HTRA3: variants seen among roughly 807,000 people sequenced by gnomAD.
The protein encoded by HTRA3 is serine protease HTRA3.
In HTRA3, 41 loss-of-function variants were observed where a neutral mutation model predicts 43.2. That is an observed-to-expected ratio of 0.95 (90% CI 0.74 to 1.23). The LOEUF (loss-of-function observed/expected upper bound fraction) is 1.23, where lower values mean the gene tolerates loss of function less well. Among genes scored for constraint, HTRA3 ranks in the 50% most tolerant of loss-of-function variants. The pLI is 0.00. For synonymous variants in HTRA3, 295 were observed against 287.9 expected, an observed-to-expected ratio of 1.02 and a Z score of -0.25; for missense variants, 628 against 647.1, an observed-to-expected ratio of 0.97 and a Z score of 0.32.
Position 8,295,722 on chromosome 4 carries a change from A to AG in HTRA3, c.1051+1526dup. On this transcript the variant is annotated intron_variant, in intron 6 of 8. Coordinates refer to ENST00000307358, the MANE Select transcript of HTRA3 (RefSeq NM_053044.5). This position sits in a 1 kb window ranked among gnomAD's most constrained non-coding sequence, Gnocchi z 6.9. ...CCCTCACTGGCAGTTCATTGAGAGC[A>AG]GGGGGCTTCCTCACGTTTCCCCCTC... The AG allele has an allele frequency of 7.2e-7, 1 of 1,382,946 alleles. No individual in the cohort carries two copies. The highest frequency in any genetic ancestry group is 9.4e-7 in the Non-Finnish European group (1 of 1,065,192). 85.7% of individuals were successfully genotyped at this position (1,382,946 alleles called of 1,614,324 possible).
chr4:8,304,195 A>G lies in HTRA3; in HGVS notation c.1112A>G (p.Glu371Gly). Residue 371 changes from glutamate to glycine, a missense_variant, in exon 8 of 9, where the codon GAG becomes GGG. Coordinates refer to ENST00000307358, the MANE Select transcript of HTRA3 (RefSeq NM_053044.5). The stretch of plus-strand genomic sequence containing the variant: ...CAGACTCTTTCCAGCCTGGTGGATG[A>G]GCTGAAGGCCAGCAACCCGGACTTC... The part of the protein sequence containing the change: ...MRTITPSLVD[E>G]LKASNPDFPE... The G allele has an allele frequency of 6.2e-7, 1 of 1,614,060 alleles. No homozygotes were observed. The highest frequency in any genetic ancestry group is 8.5e-7 in the Non-Finnish European group (1 of 1,179,970).
Position 8,300,432 on chromosome 4 carries a change from C to T in HTRA3, c.1052-2031C>T, listed in dbSNP as rs780124702. On this transcript the variant is annotated intron_variant, in intron 6 of 8. Coordinates refer to ENST00000307358, the MANE Select transcript of HTRA3 (RefSeq NM_053044.5). ...TCTTTAATAGATGTAGTGCTATTTGCGTTATTTCTTCTTGAATGAGATTTG... is the reference window on the plus strand; with the variant it reads ...TCTTTAATAGATGTAGTGCTATTTGTGTTATTTCTTCTTGAATGAGATTTG... 2.6e-5 allele frequency among the ~76,000 whole-genome samples: 4 copies of T among 152,076 alleles called. No individual in the cohort carries two copies. In the East Asian group the frequency reaches 5.8e-4, roughly 22 times the overall value.
intron 2 of HTRA3, among the ~76,000 whole-genome samples, chr4:8,283,391 G>A (rs1389097645): frequency 6.6e-6 from 1 of 152,142 alleles, no homozygotes; most frequent in Non-Finnish European, 1.5e-5. Flanking sequence ...ACCATCCCCA[G>A]CCTCTCCTAC....
In HTRA3 at chr4:8,286,855, C is replaced by T. The variant is rs1387213070; in HGVS notation, c.708+72C>T. 1 of 1,130,758 alleles carries T rather than the reference C, an allele frequency of 8.8e-7. No homozygotes were observed. The highest frequency in any genetic ancestry group is 1.3e-6 in the Non-Finnish European group (1 of 781,278). 70.0% of individuals were successfully genotyped at this position (1,130,758 alleles called of 1,614,324 possible). A position where few individuals can be genotyped will look rare whatever the true frequency, so the allele number is the denominator to read the frequency against. ...GGTGGCCTCTTCCCAGACGCCGGAACCCAGAGGCAAGCTAGCCCCACCTTC... is the reference window on the plus strand; with the variant it reads ...GGTGGCCTCTTCCCAGACGCCGGAATCCAGAGGCAAGCTAGCCCCACCTTC... On this transcript the variant is annotated intron_variant, in intron 3 of 8. Transcript: ENST00000307358. This position sits in a 1 kb window ranked among gnomAD's most constrained non-coding sequence, Gnocchi z 4.9.
chr4:8,280,511 G>T (rs555807590), intron 1 of HTRA3, among the ~76,000 whole-genome samples: 2 of 152,318 alleles, frequency 1.3e-5, no homozygotes, highest in African/African-American at 2.4e-5. Context: ...AAGCAGACAG[G>T]CCTGGGCTGC....
In HTRA3 at chr4:8,286,920, G is replaced by A; in HGVS notation, c.708+137G>A. The A allele has an allele frequency of 1.5e-6, 1 of 671,552 alleles. No homozygotes were observed. The highest frequency in any genetic ancestry group is 1.9e-5 in the South Asian group (1 of 52,994). The allele number at this position is 671,552 out of a possible 1,614,324, so 41.6% of individuals were successfully genotyped here. A position where few individuals can be genotyped will look rare whatever the true frequency, so the allele number is the denominator to read the frequency against. ...AGGAAACTGGGCCCAGGGAGGACTG[G>A]CAGCTGGCCCAGGGTCACGGCTTGG... On this transcript the variant is annotated intron_variant, in intron 3 of 8. Transcript: ENST00000307358. The surrounding 1 kb of genome is among the most constrained non-coding windows in gnomAD (Gnocchi z 4.9).
chr4:8,299,619 A>G (rs12645717), intron 6 of HTRA3, among the ~76,000 whole-genome samples: 85,751 of 151,948 alleles, frequency 0.56, 24,512 homozygotes, highest in East Asian at 0.8. Flanking sequence ...ATTTGCATAG[A>G]TATCCTTTCT....
intron 1 of HTRA3, among the ~76,000 whole-genome samples, chr4:8,272,252 G>T (rs1476248318): frequency 6.6e-6 from 1 of 152,198 alleles, no homozygotes; most frequent in Admixed American, 6.5e-5. Flanking sequence ...GCTGGCCCCA[G>T]GCTGGTGACA....
rs1164934102 is a variant in HTRA3 at position 8,304,232 on chromosome 4, C to T, written c.1149C>T (p.Ser383=). ...KASNPDFPEV[S]SGIYVQEVAP... is the part of the protein sequence containing the mutation. ...GCAACCCGGACTTCCCAGAGGTCAG[C>T]AGTGGAATTTATGTGCAAGAGGTTG... is the stretch of plus-strand genomic sequence containing the variant. Residue 383 remains serine (S), a synonymous_variant, in exon 8 of 9, where the codon AGC becomes AGT. Transcript: ENST00000307358. 6.2e-7 allele frequency: 1 copy of T among 1,614,084 alleles called. No individual in the cohort carries two copies. The highest frequency in any genetic ancestry group is 1.3e-5 in the African/African-American group (1 of 74,926).
In HTRA3 at chr4:8,306,129, T is replaced by A. The variant is rs576710980; in HGVS notation, c.1355T>A (p.Val452Asp). Residue 452 changes from valine (V) to aspartate (D), a missense_variant, in exon 9 of 9, where the codon GTC becomes GAC. Val to Asp is a radical substitution (Grantham distance 152). Coordinates refer to ENST00000307358, the MANE Select transcript of HTRA3 (RefSeq NM_053044.5). The surrounding 1 kb of genome is among the most constrained non-coding windows in gnomAD (Gnocchi z 8.9). Reference protein sequence around the residue: ...DLLFSIAPEVVM With the variant: ...DLLFSIAPEVDM ...CTCTTCAGCATCGCACCTGAGGTGGTCATGTGAGGGGCGCATTCCTCCAGC... is the reference window on the plus strand; with the variant it reads ...CTCTTCAGCATCGCACCTGAGGTGGACATGTGAGGGGCGCATTCCTCCAGC... 5.1e-6 allele frequency: 8 copies of A among 1,578,758 alleles called. No homozygotes were observed. The South Asian group carries it at 9.2e-5, about 18-fold the overall frequency.
rs71825947 is a variant in HTRA3, at chr4:8,300,906, ACT to A, written c.1052-1553_1052-1552del. 6.3e-3 allele frequency among the ~76,000 whole-genome samples: 950 copies of A among 150,710 alleles called. 11 individuals are homozygous for A. Among genetic ancestry groups the A allele is most frequent in the African/African-American group, 0.022 (895 of 40,906 alleles). ...ACACTCATCTTTATTATTGATTCACACTCTCAGCTTTATTATTGATCCAGTCA... is the reference window on the plus strand; with the variant it reads ...ACACTCATCTTTATTATTGATTCACACTCAGCTTTATTATTGATCCAGTCA... On this transcript the variant is annotated intron_variant, in intron 6 of 8. Transcript: ENST00000307358.
intron 1 of HTRA3, among the ~76,000 whole-genome samples, chr4:8,276,021 CA>C (rs908366855): frequency 5.3e-5 from 8 of 152,226 alleles, no homozygotes; most frequent in African/African-American, 1.7e-4. Flanking sequence ...CTTGGTGCAG[CA>C]AAGATATGGC....
chr4:8,292,501 AAGG>A (rs2153006165), intron 5 of HTRA3, 148 bp downstream of exon 5: 2 of 709,908 alleles, frequency 2.8e-6, no homozygotes, highest in East Asian at 5.6e-5. Flanking sequence ...GGAGGCCTGG[AAGG>A]AGGAAAGACC....
rs1435916240 is a variant in HTRA3 at position 8,304,651 on chromosome 4, T to TG, written c.1196+372_1196+373insG. Among the ~76,000 whole-genome samples, 143 of 115,404 alleles carry TG rather than the reference T, an allele frequency of 1.2e-3. 3 individuals carry two copies. Among genetic ancestry groups the TG allele is most frequent in the African/African-American group, 4.6e-3 (126 of 27,678 alleles). 75.7% of individuals were successfully genotyped at this position (115,404 alleles called of 152,430 possible). A position where few individuals can be genotyped will look rare whatever the true frequency, so the allele number is the denominator to read the frequency against. Reference sequence around the variant, plus strand: ...AGATAATTCAGCCTATTGTTTTTTTTTTTTTTTTTTTTTTTTTTTTTTTGA... The same window carrying TG: ...AGATAATTCAGCCTATTGTTTTTTTTGTTTTTTTTTTTTTTTTTTTTTTTGA... On this transcript the variant is annotated intron_variant, in intron 8 of 8. Transcript: ENST00000307358.
chr4:8,284,398 T>A (rs1359492859), intron 2 of HTRA3, among the ~76,000 whole-genome samples: 1 of 152,206 alleles, frequency 6.6e-6, no homozygotes, highest in Admixed American at 6.5e-5. Context: ...CCAGCCCGGC[T>A]GGGAGGCCGT....
At chr4:8,281,566 T>G (rs1246623109) in intron 1 of HTRA3, among the ~76,000 whole-genome samples, 2 of 152,250 alleles carry the variant, frequency 1.3e-5, no homozygotes, top group Non-Finnish European at 2.9e-5. Flanking sequence ...CCCTGGTGTG[T>G]GCAGCCCCCA....
intron 5 of HTRA3, 101 bp downstream of exon 5, chr4:8,292,454 GAACA>G (rs2153006153): frequency 1.0e-6 from 1 of 993,672 alleles, no homozygotes; most frequent in African/African-American, 1.6e-5. Flanking sequence ...TATGGTCCTA[GAACA>G]TTTACACCAA....
At chr4:8,278,063 G>A (rs1419046745) in intron 1 of HTRA3, among the ~76,000 whole-genome samples, 1 of 152,222 alleles carries the variant, frequency 6.6e-6, no homozygotes, top group Non-Finnish European at 1.5e-5. Flanking sequence ...AGGGCCTGGA[G>A]TTACGCAGTG....
rs998732291 is a variant in HTRA3, at chr4:8,269,838, G to C, written c.-131G>C. 9 of 265,774 alleles carry C rather than the reference G, an allele frequency of 3.4e-5. No homozygotes were observed. Among genetic ancestry groups the C allele is most frequent in the African/African-American group, 4.6e-5 (2 of 43,380 alleles). The allele number at this position is 265,774 out of a possible 1,614,324, so 16.5% of individuals were successfully genotyped here. Reference sequence around the variant, plus strand: ...CTGACGCCCGCCAGCCTGAGCCACCGGCGCATGTGACCGCGCGTCCGCCCC... The same window carrying C: ...CTGACGCCCGCCAGCCTGAGCCACCCGCGCATGTGACCGCGCGTCCGCCCC... On this transcript the variant is annotated 5_prime_UTR_variant, in exon 1 of 9. Transcript: ENST00000307358.
Sources: gnomAD v4.1 joint callset for allele counts (sites outside exome capture counted in the v4.1 genomes callset) on GRCh38, gnomAD v4.1.1 for gene constraint, Gnocchi (gnomAD v3.1) non-coding constraint, MANE v1.5 for transcripts, NCBI Gene and HGNC (gene_info 2026-07-23, HGNC 2026-07-21) for gene names.